Variants in NIN observed in about 807,000 individuals in gnomAD.
NIN encodes the protein ninein.
A neutral mutation model predicts 257.6 loss-of-function variants in NIN; 137 were observed. The observed-to-expected ratio is 0.53, with a 90% CI of 0.46 to 0.61. The LOEUF (loss-of-function observed/expected upper bound fraction) is 0.61, where lower values mean the gene tolerates loss of function less well. Among genes scored for constraint, NIN ranks in the 20% least tolerant of loss-of-function variants. The pLI, the probability that NIN is intolerant of heterozygous loss-of-function variation, is 0.00. For missense variants in NIN, 2,439 were observed against 2,501.2 expected, an observed-to-expected ratio of 0.98 and a Z score of 0.53; for synonymous variants, 918 against 919.8, an observed-to-expected ratio of 1.00 and a Z score of 0.04.
chr14:50,793,686 C>G (rs1047591256), intron 4 of NIN, among the ~76,000 whole-genome samples: 1 of 152,162 alleles, frequency 6.6e-6, no homozygotes, highest in Non-Finnish European at 1.5e-5. Context: ...ACCACCTTCC[C>G]CGTTACCATC....
chr14:50,756,150 A>C (rs540464102), intron 18 of NIN, among the ~76,000 whole-genome samples: 1 of 77,684 alleles, frequency 1.3e-5, no homozygotes, highest in East Asian at 3.0e-4. Context: ...AGTAACACTT[A>C]GCAAAATAAA....
chr14:50,773,041 C>A lies in NIN; in HGVS notation c.721G>T (p.Asp241Tyr). Residue 241 changes from aspartate to tyrosine, a missense_variant, in exon 8 of 31, where the codon GAT becomes TAT. Physicochemically the swap from Asp to Tyr is radical, Grantham distance 160. Around this residue, in one of 3 missense-constraint regions of NIN, gnomAD observed 387 missense variants for 427.3 expected, o/e 0.91. Coordinates refer to ENST00000530997, the MANE Select transcript of NIN (RefSeq NM_020921.4). ...LDPDGTMSVE[D>Y]FFYGLFKNGK... is the part of the protein sequence containing the mutation. ...TTTTTAAACAAACCATAGAAAAAAT[C>A]TTCTACACTCATTGTACCGTCAGGA... 3.7e-6 allele frequency: 6 copies of A among 1,612,894 alleles called. 1 individual carries two copies. The South Asian group carries it at 4.4e-5, about 12-fold the overall frequency.
chr14:50,721,799 CAG>C lies in NIN; in HGVS notation c.*1662_*1663del, dbSNP rs1375382782. 4.5e-6 allele frequency: 1 copy of C among 223,648 alleles called. No homozygotes were observed. Among genetic ancestry groups the C allele is most frequent in the Non-Finnish European group, 8.9e-6 (1 of 112,024 alleles). 13.9% of individuals were successfully genotyped at this position (223,648 alleles called of 1,614,324 possible). On this transcript the variant is annotated 3_prime_UTR_variant, in exon 31 of 31. Transcript: ENST00000530997. ...TGTGAACTCCCAGTCCCACAAAAAA[CAG>C]TGCCTTGTCAAGGCTCTTGTAGTGA...
intron 4 of NIN, among the ~76,000 whole-genome samples, chr14:50,804,330 G>A (rs538643029): frequency 3.3e-5 from 5 of 152,332 alleles, no homozygotes; most frequent in Middle Eastern, 3.4e-3. Context: ...ACAAAGCAGG[G>A]AATGTGGGAG....
At position 50,721,202 on chromosome 14, in the gene NIN, T is replaced by A. The variant is rs185609961; in HGVS notation, c.*2261A>T. 1.8e-3 allele frequency: 359 copies of A among 202,730 alleles called. 4 individuals are homozygous for A. The highest frequency in any genetic ancestry group is 0.012 in the South Asian group (63 of 5,284). The allele number at this position is 202,730 out of a possible 1,614,324, so 12.6% of individuals were successfully genotyped here. ...CTCATAAGTGGGATAAAATGAGAAA[T>A]TAAGCACCTAGATGTTGGTTAAATT... On this transcript the variant is annotated 3_prime_UTR_variant, in exon 31 of 31. Transcript: ENST00000530997.
chr14:50,806,010 C>G (rs530180108), intron 4 of NIN: 1 of 152,178 alleles, frequency 6.6e-6, no homozygotes, highest in Admixed American at 6.5e-5. Context: ...GAAGACACCT[C>G]CCCCCTACAC....
At chr14:50,778,895 T>C in intron 5 of NIN, 91 bp from the exon 6 acceptor site, 4 of 1,318,372 alleles carry the variant, frequency 3.0e-6, no homozygotes, top group South Asian at 1.2e-5. Context: ...TCTCTGGCTC[T>C]GAAATCATCA....
chr14:50,789,319 A>G (rs1047658620), intron 5 of NIN, among the ~76,000 whole-genome samples: 1 of 152,110 alleles, frequency 6.6e-6, no homozygotes, highest in Non-Finnish European at 1.5e-5. Flanking sequence ...TCACGCCTGT[A>G]ATCCCAGCAC....
chr14:50,739,964 CCT>C (rs2041196211), intron 25 of NIN, among the ~76,000 whole-genome samples: 1 of 152,216 alleles, frequency 6.6e-6, no homozygotes, highest in Non-Finnish European at 1.5e-5. Context: ...GCAATCATAT[CCT>C]TTTTTTAGAA....
chr14:50,759,810 C>G (rs1226726777), intron 17 of NIN, 47 bp downstream of exon 17: 2 of 1,556,004 alleles, frequency 1.3e-6, no homozygotes, highest in African/African-American at 2.7e-5. Flanking sequence ...TTCTAATGCC[C>G]CGAGGGATGG....
chr14:50,769,178 A>G (rs975278061), intron 12 of NIN, among the ~76,000 whole-genome samples: 2 of 152,230 alleles, frequency 1.3e-5, no homozygotes, highest in Non-Finnish European at 2.9e-5. Flanking sequence ...CATCTCATTT[A>G]GCCCACACAT....
intron 3 of NIN, among the ~76,000 whole-genome samples, chr14:50,818,614 G>A (rs917775333): frequency 5.3e-5 from 8 of 152,116 alleles, no homozygotes; most frequent in African/African-American, 1.9e-4. Flanking sequence ...TAGCTGACAG[G>A]TGCTTAACTG....
intron 12 of NIN, 150 bp downstream of exon 12, chr14:50,770,238 G>C (rs938536045): frequency 1.4e-6 from 1 of 703,480 alleles, no homozygotes; most frequent in Non-Finnish European, 2.4e-6. Context: ...TTTTAGCAGG[G>C]CCCTGCCAAG....
chr14:50,761,701 A>G (rs540920785), intron 16 of NIN, 89 bp downstream of exon 16: 6 of 1,471,902 alleles, frequency 4.1e-6, no homozygotes, highest in East Asian at 2.3e-5. Context: ...GTGCTGCTCT[A>G]TGAGAAAAAA....
At chr14:50,830,970 G>A (rs2045680763) in intron 1 of NIN, 36 bp downstream of exon 1, 1 of 151,472 alleles carries the variant, frequency 6.6e-6, no homozygotes, top group African/African-American at 2.4e-5. Flanking sequence ...GCACCCCCAG[G>A]CCGTGGGTCC....
intron 4 of NIN, among the ~76,000 whole-genome samples, chr14:50,795,537 C>T (rs1014307674): frequency 6.6e-6 from 1 of 152,312 alleles, no homozygotes; most frequent in East Asian, 1.9e-4. Flanking sequence ...TTAAAGAATG[C>T]CTTGACCCTT....
chr14:50,739,626 T>C, intron 25 of NIN, 139 bp from the exon 26 acceptor site: 1 of 665,782 alleles, frequency 1.5e-6, no homozygotes, highest in Middle Eastern at 4.2e-4. Flanking sequence ...CTAATGAAAG[T>C]ATGTGTATGT....
chr14:50,730,809 C>A, intron 28 of NIN: 1 of 745,910 alleles, frequency 1.3e-6, no homozygotes. Flanking sequence ...AAAATGAATA[C>A]TGGCTCTTTC....
chr14:50,765,720 T>G, intron 14 of NIN, among the ~76,000 whole-genome samples: 1 of 148,756 alleles, frequency 6.7e-6, no homozygotes, highest in Non-Finnish European at 1.5e-5. Flanking sequence ...ATAAATGGAG[T>G]AAAAAATGTA....
Sources: allele counts gnomAD v4.1 joint callset (sites outside exome capture counted in the v4.1 genomes callset), GRCh38; gene constraint gnomAD v4.1.1; regional missense constraint gnomAD v4.1.1; transcripts MANE v1.5; gene names NCBI Gene and HGNC (gene_info 2026-07-23, HGNC 2026-07-21).